LRMDA: variants seen among roughly 807,000 people sequenced by gnomAD.
The protein encoded by LRMDA is leucine rich melanocyte differentiation associated.
Under a neutral mutation model 29.8 loss-of-function variants are expected in LRMDA, and 18 were observed. That is an observed-to-expected ratio of 0.60 (90% CI 0.42 to 0.90). The LOEUF (loss-of-function observed/expected upper bound fraction) is 0.90, where lower values mean the gene tolerates loss of function less well. Among genes scored for constraint, LRMDA ranks in the 40% least tolerant of loss-of-function variants. LRMDA has a pLI of 0.00. For synonymous variants in LRMDA, 125 were observed against 109.4 expected (o/e 1.14, Z -0.89); for missense variants, 273 against 273.9 (o/e 1.00, Z 0.02).
At chr10:75,691,274 A>T (rs1842153645) in intron 2 of LRMDA, among the ~76,000 whole-genome samples, 1 of 149,238 alleles carries the variant, frequency 6.7e-6, no homozygotes. Flanking sequence ...ATATATATAT[A>T]TATATCTTTT....
chr10:76,402,944 A>G (rs1841864526), intron 6 of LRMDA, among the ~76,000 whole-genome samples: 1 of 152,010 alleles, frequency 6.6e-6, no homozygotes, highest in Admixed American at 6.6e-5. Flanking sequence ...GAGCTTTGCA[A>G]ATGAGATTGG....
chr10:75,645,249 C>G (rs905795668), intron 2 of LRMDA, among the ~76,000 whole-genome samples: 1 of 152,218 alleles, frequency 6.6e-6, no homozygotes, highest in African/African-American at 2.4e-5. Context: ...TCCCAAAGTG[C>G]TGGGATTACA....
intron 2 of LRMDA, among the ~76,000 whole-genome samples, chr10:75,596,939 TTTTCTTTC>T (rs1194703710): frequency 6.6e-6 from 1 of 151,834 alleles, no homozygotes; most frequent in Non-Finnish European, 1.5e-5. Flanking sequence ...GAGGTTTTCT[TTTTCTTTC>T]TTTCTTTCTT....
intron 6 of LRMDA, among the ~76,000 whole-genome samples, chr10:76,441,315 G>T (rs950664957): frequency 5.9e-5 from 9 of 152,196 alleles, no homozygotes; most frequent in African/African-American, 2.2e-4. Flanking sequence ...ACAATGTGGG[G>T]TGACACTAAT....
At chr10:75,800,472 C>T (rs1843729388) in intron 2 of LRMDA, among the ~76,000 whole-genome samples, 1 of 149,628 alleles carries the variant, frequency 6.7e-6, no homozygotes, top group Non-Finnish European at 1.5e-5. Context: ...GAGTCTTGCT[C>T]TGTCACCCAG....
intron 2 of LRMDA, among the ~76,000 whole-genome samples, chr10:75,789,414 C>T (rs181534840): frequency 5.9e-4 from 89 of 152,120 alleles, no homozygotes; most frequent in African/African-American, 2.1e-3. Flanking sequence ...CATGTAGGGT[C>T]GATATGAGTT....
intron 5 of LRMDA, among the ~76,000 whole-genome samples, chr10:76,276,053 C>CTATCTATCTATCTA (rs150054728): frequency 6.9e-4 from 97 of 140,024 alleles, no homozygotes; most frequent in African/African-American, 2.5e-3. Context: ...ATCTATCTAT[C>CTATCTATCTATCTA]TCTTTCTTTC....
chr10:76,472,773 T>C (rs184983967), intron 6 of LRMDA, among the ~76,000 whole-genome samples: 99 of 151,608 alleles, frequency 6.5e-4, no homozygotes, highest in African/African-American at 2.3e-3. Flanking sequence ...ATGAATTAGA[T>C]AACTTGGATG....
rs373152421 is a variant in LRMDA at position 76,378,917 on chromosome 10, C to T, written c.601+54432C>T. ...TGTCTCCCACGCTGGAGTGCAGTGGCGCCATTTTGGCTCACTGCAACCTCT... is the reference window on the plus strand; with the variant it reads ...TGTCTCCCACGCTGGAGTGCAGTGGTGCCATTTTGGCTCACTGCAACCTCT... On this transcript the variant is annotated intron_variant, in intron 6 of 6. Transcript: ENST00000611255. Among the ~76,000 whole-genome samples, 187 of 131,456 alleles carry T rather than the reference C, an allele frequency of 1.4e-3. 2 individuals carry two copies. Among genetic ancestry groups the T allele is most frequent in the African/African-American group, 5.0e-3 (171 of 34,086 alleles). 86.2% of individuals were successfully genotyped at this position (131,456 alleles called of 152,430 possible).
intron 5 of LRMDA, among the ~76,000 whole-genome samples, chr10:76,209,618 A>C (rs1851600333): frequency 6.6e-6 from 1 of 152,142 alleles, no homozygotes. Flanking sequence ...CTTCAATATC[A>C]AGATAAGGAT....
chr10:76,327,584 T>C (rs568988580), intron 6 of LRMDA, among the ~76,000 whole-genome samples: 2 of 152,346 alleles, frequency 1.3e-5, no homozygotes, highest in Non-Finnish European at 1.5e-5. Context: ...TTCACCACTT[T>C]ATCTGCAATG....
intron 6 of LRMDA, among the ~76,000 whole-genome samples, chr10:76,347,692 C>A (rs1255950195): frequency 2.0e-5 from 3 of 152,050 alleles, no homozygotes; most frequent in South Asian, 2.1e-4. Context: ...ACCCAAGGAA[C>A]CTTAGATGTT....
intron 2 of LRMDA, among the ~76,000 whole-genome samples, chr10:75,445,695 C>T (rs1844384983): frequency 6.6e-6 from 1 of 152,236 alleles, no homozygotes; most frequent in African/African-American, 2.4e-5. Flanking sequence ...CATTCCCCTC[C>T]CCCAGGGGCC....
chr10:76,131,580 A>G (rs1015463117), intron 5 of LRMDA, among the ~76,000 whole-genome samples: 1 of 151,572 alleles, frequency 6.6e-6, no homozygotes, highest in African/African-American at 2.4e-5. Context: ...TTTATTCTCT[A>G]CTGTCTGTGT....
At chr10:75,681,882 G>T (rs555028371) in intron 2 of LRMDA, among the ~76,000 whole-genome samples, 5 of 152,228 alleles carry the variant, frequency 3.3e-5, no homozygotes, top group African/African-American at 9.6e-5. Flanking sequence ...GACCTAAACC[G>T]GGAGAAAGCG....
At chr10:75,802,847 A>T (rs942233228) in intron 2 of LRMDA, among the ~76,000 whole-genome samples, 1 of 152,068 alleles carries the variant, frequency 6.6e-6, no homozygotes. Context: ...CAAAATCAGA[A>T]GTAGAAACTT....
Position 76,558,548 on chromosome 10 carries a change from T to A in LRMDA, c.*1260T>A, listed in dbSNP as rs1219908681. ...AGATGTTCAAAAGGTTGATTGATTG[T>A]TCTTGACACGATAGTGTTTATTTTT... On this transcript the variant is annotated 3_prime_UTR_variant, in exon 7 of 7. Transcript: ENST00000611255. The A allele has an allele frequency of 6.6e-6, 1 of 152,206 alleles. No homozygotes were observed. Among genetic ancestry groups the A allele is most frequent in the Admixed American group, 6.5e-5 (1 of 15,276 alleles). The allele number at this position is 152,206 out of a possible 1,614,324, so 9.4% of individuals were successfully genotyped here. A position where few individuals can be genotyped will look rare whatever the true frequency, so the allele number is the denominator to read the frequency against.
At chr10:75,541,815 T>C (rs1840020410) in intron 2 of LRMDA, among the ~76,000 whole-genome samples, 1 of 143,882 alleles carries the variant, frequency 7.0e-6, no homozygotes, top group Middle Eastern at 3.2e-3. Context: ...AGAATTTACA[T>C]GCAAATCATT....
chr10:76,020,521 C>T (rs1272993841), intron 2 of LRMDA, among the ~76,000 whole-genome samples: 1 of 152,202 alleles, frequency 6.6e-6, no homozygotes, highest in Non-Finnish European at 1.5e-5. Context: ...GGGGGGCTGC[C>T]TGATGTTCTT....
Sources: allele counts gnomAD v4.1 joint callset (sites outside exome capture counted in the v4.1 genomes callset), GRCh38; gene constraint gnomAD v4.1.1; transcripts MANE v1.5; gene names NCBI Gene and HGNC (gene_info 2026-07-23, HGNC 2026-07-21).